Variants in PCM1 observed in about 807,000 individuals in gnomAD.
The protein encoded by PCM1 is pericentriolar material 1 protein.
Under a neutral mutation model 241.9 loss-of-function variants are expected in PCM1, and 157 were observed. That is an observed-to-expected ratio of 0.65 (90% confidence interval 0.57 to 0.74). PCM1 has a LOEUF of 0.74. PCM1 is among the 30% of genes least tolerant of loss of function. The probability of loss-of-function intolerance (pLI) is 0.00; values close to 1 mark genes in which losing one functional copy is unlikely to be tolerated. For synonymous variants in PCM1, 1,085 were observed against 784.9 expected, an observed-to-expected ratio of 1.38 and a Z score of -6.39; for missense variants, 3,478 against 2,360.1, an observed-to-expected ratio of 1.47 and a Z score of -9.81.
At chr8:17,973,020 C>T (rs2129472394) in intron 23 of PCM1, among the ~76,000 whole-genome samples, 1 of 152,122 alleles carries the variant, frequency 6.6e-6, no homozygotes. Context: ...CTGCATCCAA[C>T]TCTTTGGTCA....
chr8:18,018,045 A>AAATC (rs1417646725), intron 36 of PCM1, among the ~76,000 whole-genome samples: 2 of 152,166 alleles, frequency 1.3e-5, no homozygotes, highest in African/African-American at 4.8e-5. Flanking sequence ...CCATGCTAAT[A>AAATC]AATCAGCCAG....
Position 17,956,738 on chromosome 8 carries a change from A to C in PCM1, c.1607A>C (p.Asp536Ala). ...GAAGAAACTGAAGAGTCAGAATATG[A>C]TTCTGAGCATGAAAATTCCGAGCCT... is the stretch of plus-strand genomic sequence containing the variant. ...KDEETEESEY[D>A]SEHENSEPVT... The change falls in exon 11 of 39, where the codon GAT becomes GCT. Residue 536 changes from aspartate (D) to alanine (A), a missense_variant. Transcript: ENST00000325083. 2 of 1,609,150 alleles carry C rather than the reference A, an allele frequency of 1.2e-6. No individual in the cohort carries two copies. The highest frequency in any genetic ancestry group is 1.7e-6 in the Non-Finnish European group (2 of 1,177,326).
chr8:17,947,096 T>G (rs183942363), intron 6 of PCM1, 90 bp from the exon 7 acceptor site: 1 of 702,738 alleles, frequency 1.4e-6, no homozygotes, highest in African/African-American at 1.8e-5. Flanking sequence ...TAATAATTTG[T>G]TATCAATGTG....
intron 9 of PCM1, among the ~76,000 whole-genome samples, chr8:17,953,889 A>G (rs1201947563): frequency 6.6e-6 from 1 of 152,198 alleles, no homozygotes; most frequent in Non-Finnish European, 1.5e-5. Context: ...ACTTCCAACT[A>G]GTCTTTAAAC....
rs2075159623 is a variant in PCM1 at position 17,967,101 on chromosome 8, A to G, written c.3343A>G (p.Ser1115Gly). 6.2e-7 allele frequency: 1 copy of G among 1,607,864 alleles called. No individual in the cohort carries two copies. Among genetic ancestry groups the G allele is most frequent in the Non-Finnish European group, 8.5e-7 (1 of 1,176,850 alleles). The change falls in exon 21 of 39, where the codon AGC (serine) becomes GGC (glycine). Residue 1115 changes from serine (S) to glycine (G), a missense_variant. Coordinates refer to ENST00000325083, the MANE Select transcript of PCM1 (RefSeq NM_006197.4). ...PPSPSLFCPF[S>G]FPTQPVNLFN... ...TTCTCCCAGTTTATTTTGTCCTTTC[A>G]GCTTTCCAACACAGCCTGTAAATCT... is the stretch of plus-strand genomic sequence containing the variant.
At chr8:17,960,557 C>G (rs891304959) in intron 15 of PCM1, 113 bp downstream of exon 15, 34 of 412,750 alleles carry the variant, frequency 8.2e-5, no homozygotes, top group Non-Finnish European at 1.2e-4. Flanking sequence ...CAGAGTCTCA[C>G]TCTGTTGCCC....
At chr8:18,013,939 CTA>C in intron 34 of PCM1, 23 bp from the exon 35 acceptor site, 1 of 1,453,712 alleles carries the variant, frequency 6.9e-7, no homozygotes. Flanking sequence ...TCAGGCCCTG[CTA>C]TTAAAACATT....
chr8:17,938,588 C>A (rs1351735555), intron 4 of PCM1, among the ~76,000 whole-genome samples, 152 bp from the exon 5 acceptor site: 1 of 152,184 alleles, frequency 6.6e-6, no homozygotes, highest in Non-Finnish European at 1.5e-5. Flanking sequence ...AAGACTGTTA[C>A]AGAGCCAAAG....
At chr8:18,007,788 G>A (rs1032458225) in intron 30 of PCM1, among the ~76,000 whole-genome samples, 3 of 152,078 alleles carry the variant, frequency 2.0e-5, no homozygotes, top group Non-Finnish European at 4.4e-5. Context: ...TTTCCACAAA[G>A]CACCCAGCAT....
intron 29 of PCM1, among the ~76,000 whole-genome samples, chr8:18,001,493 T>G (rs2089409506): frequency 6.6e-6 from 1 of 152,246 alleles, no homozygotes; most frequent in African/African-American, 2.4e-5. Flanking sequence ...ACTATTAATT[T>G]CATTTAACAA....
chr8:17,941,251 T>G (rs561402549), intron 6 of PCM1, among the ~76,000 whole-genome samples: 1 of 152,328 alleles, frequency 6.6e-6, no homozygotes, highest in East Asian at 1.9e-4. Flanking sequence ...AAAGGAATTC[T>G]GTTGGGGAGG....
At chr8:17,944,043 G>A (rs940522738) in intron 6 of PCM1, among the ~76,000 whole-genome samples, 51 of 152,290 alleles carry the variant, frequency 3.3e-4, no homozygotes, top group African/African-American at 1.2e-3. Context: ...CCTTCTACGA[G>A]TAGCCATGCG....
intron 36 of PCM1, among the ~76,000 whole-genome samples, chr8:18,021,984 C>G (rs1324601056): frequency 1.3e-5 from 2 of 152,172 alleles, no homozygotes; most frequent in African/African-American, 4.8e-5. Context: ...TGATCTATGA[C>G]TGGCTTCCAT....
Position 18,010,654 on chromosome 8 carries a change from G to C in PCM1, c.5206G>C (p.Asp1736His), listed in dbSNP as rs1297717025. 1.1e-5 allele frequency: 18 copies of C among 1,601,040 alleles called. No homozygotes were observed. Among genetic ancestry groups the C allele is most frequent in the Non-Finnish European group, 1.5e-5 (18 of 1,173,878 alleles). The change falls in exon 32 of 39, where the codon GAT (aspartate) becomes CAT (histidine). Residue 1736 changes from aspartate to histidine, a missense_variant. Coordinates refer to ENST00000325083, the MANE Select transcript of PCM1 (RefSeq NM_006197.4). ...TCATGGCTCACCTGCTGGAGAGATT[G>C]ATGATGAAGACAAAGTATGTGCTAA... The part of the protein sequence containing the change: ...EDHGSPAGEI[D>H]DEDKDKDETE...
intron 3 of PCM1, among the ~76,000 whole-genome samples, chr8:17,936,097 G>A (rs1296972609): frequency 1.3e-5 from 2 of 152,184 alleles, no homozygotes; most frequent in Non-Finnish European, 2.9e-5. Context: ...TCTGGTCCAT[G>A]TGATATACTG....
chr8:18,020,700 G>A (rs2093681018), intron 36 of PCM1, among the ~76,000 whole-genome samples: 1 of 152,124 alleles, frequency 6.6e-6, no homozygotes, highest in Non-Finnish European at 1.5e-5. Flanking sequence ...AATAGAAAAG[G>A]GAATTCTTTC....
chr8:17,973,631 C>T (rs952184689), intron 23 of PCM1, among the ~76,000 whole-genome samples: 3 of 151,504 alleles, frequency 2.0e-5, no homozygotes, highest in Non-Finnish European at 2.9e-5. Flanking sequence ...ACACAAGAAT[C>T]GCTTGAACCT....
At chr8:17,969,770 T>C in intron 22 of PCM1, 22 bp downstream of exon 22, 2 of 1,542,670 alleles carry the variant, frequency 1.3e-6, no homozygotes, top group Non-Finnish European at 1.8e-6. Context: ...AAACAGTCTT[T>C]TATTGCTTAA....
intron 29 of PCM1, among the ~76,000 whole-genome samples, chr8:18,003,048 T>C (rs1312470832): frequency 6.6e-6 from 1 of 152,208 alleles, no homozygotes; most frequent in Non-Finnish European, 1.5e-5. Flanking sequence ...TTTGGTCAAA[T>C]GTTAACTTTT....
Sources: gnomAD v4.1 joint callset for allele counts (sites outside exome capture counted in the v4.1 genomes callset) on GRCh38, gnomAD v4.1.1 for gene constraint, MANE v1.5 for transcripts, NCBI Gene and HGNC (gene_info 2026-07-23, HGNC 2026-07-21) for gene names.